Variants in GRIFIN observed in about 807,000 individuals in gnomAD.
The protein encoded by GRIFIN is galectin-related inter-fiber protein.
GRIFIN carries 22 observed loss-of-function variants against 18.2 expected under a neutral mutation model. That is an observed-to-expected ratio of 1.21 (90% CI 0.86 to 1.73). GRIFIN has a LOEUF of 1.73. Among genes scored for constraint, GRIFIN ranks in the 40% most tolerant of loss-of-function variants. The probability of loss-of-function intolerance (pLI) is 0.00; values close to 1 mark genes in which losing one functional copy is unlikely to be tolerated. For missense variants in GRIFIN, 200 were observed against 190.1 expected (o/e 1.05, Z -0.31); for synonymous variants, 101 against 82.8 (o/e 1.22, Z -1.19).
chr7:2,475,007 G>T, intron 4 of GRIFIN, 122 bp from the exon 5 acceptor site: 1 of 1,036,454 alleles, frequency 9.6e-7, no homozygotes, highest in South Asian at 1.5e-5. Flanking sequence ...GAGGAGCAGG[G>T]TGGGACGCCA....
In GRIFIN at chr7:2,475,801, C is replaced by G; in HGVS notation, c.120G>C (p.Thr40=). The G allele has an allele frequency of 1.3e-6, 2 of 1,572,732 alleles. No homozygotes were observed. Among genetic ancestry groups the G allele is most frequent in the Non-Finnish European group, 1.7e-6 (2 of 1,161,384 alleles). ...GCTTGATGTGGAAGGCAATGTCCCC[C>G]GTCTCCAACAAGAAGTTAGTCTCGA... ...DRFETNFLLE[T]GDIAFHIKPR... The change falls in exon 3 of 5, where the codon ACG becomes ACC. Residue 40 remains threonine, a synonymous_variant. Coordinates refer to ENST00000614228, the MANE Select transcript of GRIFIN (RefSeq NM_001394787.1).
At position 2,475,128 on chromosome 7, in the gene GRIFIN, G is replaced by T; in HGVS notation, c.419+13C>A. 6.4e-7 allele frequency: 1 copy of T among 1,570,422 alleles called. No individual in the cohort carries two copies. Reference sequence around the variant, plus strand: ...GGAATGGGCAGGGACCTGGGTAGAGGCAGGGACTTTACCCCCAGCTCAGGC... The same window carrying T: ...GGAATGGGCAGGGACCTGGGTAGAGTCAGGGACTTTACCCCCAGCTCAGGC... On this transcript the variant is annotated intron_variant, in intron 4 of 4. Coordinates refer to ENST00000614228, the MANE Select transcript of GRIFIN (RefSeq NM_001394787.1).
chr7:2,475,411 G>T (rs1028116323), intron 3 of GRIFIN, 104 bp from the exon 4 acceptor site: 2 of 1,404,046 alleles, frequency 1.4e-6, no homozygotes, highest in South Asian at 2.8e-5. Context: ...AGGAAGGACA[G>T]CCTGGCAGGC....
rs760309543 is a variant in GRIFIN at position 2,475,976 on chromosome 7, G to A, written c.36C>T (p.Gly12=). ...CCAGCAGCTTCCAGCCGGGGGCCAGGCCGCCCGCACAGAAGGCTTTAGACT... is the reference window on the plus strand; with the variant it reads ...CCAGCAGCTTCCAGCCGGGGGCCAGACCGCCCGCACAGAAGGCTTTAGACT... The part of the protein sequence containing the change: ...AVQSKAFCAG[G]LAPGWKLLVQ... Residue 12 remains glycine (G), a synonymous_variant, in exon 2 of 5, where the codon GGC becomes GGT. Coordinates refer to ENST00000614228, the MANE Select transcript of GRIFIN (RefSeq NM_001394787.1). The A allele has an allele frequency of 1.3e-6, 2 of 1,598,004 alleles. No homozygotes were observed. The highest frequency in any genetic ancestry group is 1.7e-5 in the Admixed American group (1 of 59,964).
At position 2,474,886 on chromosome 7, in the gene GRIFIN, C is replaced by A; in HGVS notation, c.420-1G>T. ...AGGTGTCACTCAGTAGCCCCGGTCC[C>A]TGCAAACATCCAAGGCACGTCCCTA... is the stretch of plus-strand genomic sequence containing the variant. On this transcript the variant is annotated splice_acceptor_variant, in intron 4 of 4. Transcript: ENST00000614228. LOFTEE classifies it high-confidence loss of function. The A allele has an allele frequency of 1.8e-6, 1 of 564,792 alleles. No individual in the cohort carries two copies. The highest frequency in any genetic ancestry group is 3.2e-6 in the Non-Finnish European group (1 of 316,688). The allele number at this position is 564,792 out of a possible 1,614,324, so 35.0% of individuals were successfully genotyped here.
intron 3 of GRIFIN, 165 bp from the exon 4 acceptor site, chr7:2,475,472 C>T: frequency 8.3e-7 from 1 of 1,200,448 alleles, no homozygotes; most frequent in South Asian, 1.6e-5. Context: ...CCTCCTTTCT[C>T]CCAAGATGGG....
At position 2,475,218 on chromosome 7, in the gene GRIFIN, G is replaced by A. The variant is rs61742199; in HGVS notation, c.342C>T (p.Gly114=). 1,165 of 1,596,504 alleles carry A rather than the reference G, an allele frequency of 7.3e-4. 10 individuals carry two copies. The African/African-American group carries it at 0.014, about 19-fold the overall frequency. The change falls in exon 4 of 5, where the codon GGC becomes GGT. Residue 114 remains glycine, a synonymous_variant. Coordinates refer to ENST00000614228, the MANE Select transcript of GRIFIN (RefSeq NM_001394787.1). The part of the protein sequence containing the change: ...LQFPCRQRPL[G]ATTRVRVLSD... ...TCAGCACGCGCACCCTGGTGGTGGC[G>A]CCCAGCGGCCTCTGACGGCATGGGA... is the stretch of plus-strand genomic sequence containing the variant.
In GRIFIN at chr7:2,474,745, T is replaced by C. The variant is rs114649206; in HGVS notation, c.*125A>G. On this transcript the variant is annotated 3_prime_UTR_variant, in exon 5 of 5. Coordinates refer to ENST00000614228, the MANE Select transcript of GRIFIN (RefSeq NM_001394787.1). ...ACGCCTGCAGCCTTCTCAGAGTTTATTGAAGGTGGAGCTGCGAGGAGCACA... is the reference window on the plus strand; with the variant it reads ...ACGCCTGCAGCCTTCTCAGAGTTTACTGAAGGTGGAGCTGCGAGGAGCACA... 247 of 411,934 alleles carry C rather than the reference T, an allele frequency of 6.0e-4. No homozygotes were observed. The highest frequency in any genetic ancestry group is 4.8e-3 in the African/African-American group (239 of 49,320). The allele number at this position is 411,934 out of a possible 1,614,324, so 25.5% of individuals were successfully genotyped here.
At position 2,475,163 on chromosome 7, in the gene GRIFIN, C is replaced by T. The variant is rs1361104256; in HGVS notation, c.397G>A (p.Ala133Thr). 1.9e-6 allele frequency: 3 copies of T among 1,588,034 alleles called. No homozygotes were observed. The highest frequency in any genetic ancestry group is 2.3e-5 in the East Asian group (1 of 44,320). The change falls in exon 4 of 5, where the codon GCC becomes ACC. Residue 133 changes from alanine to threonine, a missense_variant. Transcript: ENST00000614228. Reference protein sequence around the residue: ...SDHCLAQVELAKRGLSWGDRG... With the variant: ...SDHCLAQVELTKRGLSWGDRG... ...TACCCCCAGCTCAGGCCCCTCTTGG[C>T]CAGCTCCACCTGGGCCAGGCAGTGG...
Position 2,475,943 on chromosome 7 carries a change from T to A in GRIFIN, c.69A>T (p.Gly23=). ...LAPGWKLLVQ[G]HADSGEDRFE... Reference sequence around the variant, plus strand: ...ACCTGTCCTCTCCAGAGTCAGCATGTCCCTGGACCAGCAGCTTCCAGCCGG... The same window carrying A: ...ACCTGTCCTCTCCAGAGTCAGCATGACCCTGGACCAGCAGCTTCCAGCCGG... The change falls in exon 2 of 5, where the codon GGA becomes GGT. Residue 23 remains glycine, a synonymous_variant. Coordinates refer to ENST00000614228, the MANE Select transcript of GRIFIN (RefSeq NM_001394787.1). 1 of 1,598,256 alleles carries A rather than the reference T, an allele frequency of 6.3e-7. No individual in the cohort carries two copies. Among genetic ancestry groups the A allele is most frequent in the Non-Finnish European group, 8.5e-7 (1 of 1,179,650 alleles).
chr7:2,476,321 AG>A, intron 1 of GRIFIN, 50 bp downstream of exon 1: 1 of 1,543,492 alleles, frequency 6.5e-7, no homozygotes, highest in South Asian at 1.2e-5. Flanking sequence ...TGGCTCAGGG[AG>A]CCCCCAGCCC....
rs371388659 is a variant in GRIFIN, at chr7:2,475,825, G to C, written c.96C>G (p.Phe32Leu). 1.8e-4 allele frequency: 290 copies of C among 1,574,046 alleles called. 3 individuals are homozygous for C. The African/African-American group carries it at 3.4e-3, about 19-fold the overall frequency. ...CCGTCTCCAACAAGAAGTTAGTCTCGAACCTGGGGCGGACATGGTGCGGGT... is the reference window on the plus strand; with the variant it reads ...CCGTCTCCAACAAGAAGTTAGTCTCCAACCTGGGGCGGACATGGTGCGGGT... Reference protein sequence around the residue: ...QGHADSGEDRFETNFLLETGD... With the variant: ...QGHADSGEDRLETNFLLETGD... Residue 32 changes from phenylalanine (F) to leucine (L), a missense_variant, in exon 3 of 5, where the codon TTC becomes TTG. Transcript: ENST00000614228.
rs574589831 is a variant in GRIFIN, at chr7:2,476,225, G to A, written c.12+147C>T. ...CCTGCCCAGCAGGCCAGCTCTGGGG[G>A]GACCTTCACCCTGACGCCCTCTCAG... On this transcript the variant is annotated intron_variant, in intron 1 of 4. Coordinates refer to ENST00000614228, the MANE Select transcript of GRIFIN (RefSeq NM_001394787.1). 30 of 1,036,406 alleles carry A rather than the reference G, an allele frequency of 2.9e-5. No individual in the cohort carries two copies. In the South Asian group the frequency reaches 4.0e-4, roughly 14 times the overall value. The allele number at this position is 1,036,406 out of a possible 1,614,324, so 64.2% of individuals were successfully genotyped here.
Position 2,475,184 on chromosome 7 carries a change from A to G in GRIFIN, c.376T>C (p.Cys126Arg). ...TTGGCCAGCTCCACCTGGGCCAGGC[A>G]GTGGTCACTCAGCACGCGCACCCTG... ...TTRVRVLSDH[C>R]LAQVELAKRG... Residue 126 changes from cysteine (C) to arginine (R), a missense_variant, in exon 4 of 5, where the codon TGC becomes CGC. Cys to Arg is a radical substitution (Grantham distance 180, BLOSUM62 -3). Transcript: ENST00000614228. The G allele has an allele frequency of 2.5e-6, 4 of 1,593,310 alleles. No homozygotes were observed. The highest frequency in any genetic ancestry group is 3.4e-6 in the Non-Finnish European group (4 of 1,177,494).
Position 2,475,013 on chromosome 7 carries a change from C to T in GRIFIN, c.419+128G>A, listed in dbSNP as rs1478149396. ...TGGCAGGGAGAGGAGCAGGGTGGGA[C>T]GCCAGGCAGACAACCCCTCCCCAGG... On this transcript the variant is annotated intron_variant, in intron 4 of 4. Coordinates refer to ENST00000614228, the MANE Select transcript of GRIFIN (RefSeq NM_001394787.1). 2.8e-5 allele frequency: 32 copies of T among 1,126,598 alleles called. No individual in the cohort carries two copies. The South Asian group carries it at 3.3e-4, about 12-fold the overall frequency. 69.8% of individuals were successfully genotyped at this position (1,126,598 alleles called of 1,614,324 possible).
At position 2,475,295 on chromosome 7, in the gene GRIFIN, A is replaced by G; in HGVS notation, c.265T>C (p.Trp89Arg). The change falls in exon 4 of 5, where the codon TGG becomes CGG. Residue 89 changes from tryptophan (W) to arginine (R), a missense_variant. Trp to Arg is a moderately radical substitution (Grantham distance 101). Transcript: ENST00000614228. ...TAGACGTGGAAGTGCTCCGCGTCCC[A>G]GCTGACCTCTATCTGGGCAGGCTGG... ...PGEPFEIEVS[W>R]DAEHFHVYAP... 4.4e-6 allele frequency: 7 copies of G among 1,593,728 alleles called. No individual in the cohort carries two copies. Among genetic ancestry groups the G allele is most frequent in the Non-Finnish European group, 5.1e-6 (6 of 1,177,712 alleles).
At chr7:2,475,887 A>G (rs749252229) in intron 2 of GRIFIN, 33 bp downstream of exon 2, 23 of 1,593,560 alleles carry the variant, frequency 1.4e-5, no homozygotes, top group South Asian at 2.2e-5. Flanking sequence ...CACCCAGCCC[A>G]AGGCCCAGCG....
chr7:2,476,125 C>T (rs1778960526), intron 1 of GRIFIN, 126 bp from the exon 2 acceptor site: 2 of 874,540 alleles, frequency 2.3e-6, no homozygotes, highest in East Asian at 5.5e-5. Flanking sequence ...CAACCCAGTG[C>T]CAGACATAGG....
At chr7:2,475,610 C>G (rs1049160060) in intron 3 of GRIFIN, 59 bp downstream of exon 3, 22 of 1,435,290 alleles carry the variant, frequency 1.5e-5, no homozygotes, top group Non-Finnish European at 1.7e-5. Flanking sequence ...GCCCACTGGC[C>G]CCCTGTTCCC....
Sources: allele counts gnomAD v4.1 joint callset, GRCh38; gene constraint gnomAD v4.1.1; transcripts MANE v1.5; gene names NCBI Gene and HGNC (gene_info 2026-07-23, HGNC 2026-07-21).